SEZ6L: variants seen among roughly 807,000 people sequenced by gnomAD.
SEZ6L encodes seizure 6-like protein.
A neutral mutation model predicts 106.2 loss-of-function variants in SEZ6L; 37 were observed. The ratio of observed to expected loss-of-function variants is 0.35; its 90% confidence interval spans 0.27 to 0.46. SEZ6L has a LOEUF of 0.46. SEZ6L is among the 20% of genes least tolerant of loss of function. The pLI is 1.00. For synonymous variants in SEZ6L, 541 were observed against 570.4 expected, an observed-to-expected ratio of 0.95 and a Z score of 0.73; for missense variants, 1,172 against 1,332.8, an observed-to-expected ratio of 0.88 and a Z score of 1.88.
At chr22:26,274,910 C>T (rs1415330528) in intron 1 of SEZ6L, among the ~76,000 whole-genome samples, 1 of 152,234 alleles carries the variant, frequency 6.6e-6, no homozygotes, top group Non-Finnish European at 1.5e-5. Context: ...AGTCTCCAGC[C>T]TCTCCAGAGG....
chr22:26,281,915 C>G (rs889269258), intron 1 of SEZ6L, among the ~76,000 whole-genome samples: 1 of 152,182 alleles, frequency 6.6e-6, no homozygotes, highest in African/African-American at 2.4e-5. Context: ...TCTCCTCTTC[C>G]GTGCATAGAT....
At chr22:26,262,307 C>T (rs1010002741) in intron 1 of SEZ6L, among the ~76,000 whole-genome samples, 4 of 129,646 alleles carry the variant, frequency 3.1e-5, no homozygotes, top group Admixed American at 1.5e-4. Context: ...AAATACATGG[C>T]CCTTCTTGTG....
intron 10 of SEZ6L, among the ~76,000 whole-genome samples, chr22:26,346,555 T>G (rs988849221): frequency 1.5e-4 from 23 of 152,194 alleles, no homozygotes; most frequent in African/African-American, 5.3e-4. Context: ...CAGCATGAGT[T>G]GGATGGCTTT....
intron 1 of SEZ6L, among the ~76,000 whole-genome samples, chr22:26,275,180 C>T (rs1283189030): frequency 6.6e-6 from 1 of 152,206 alleles, no homozygotes; most frequent in African/African-American, 2.4e-5. Flanking sequence ...CCCCAACTTA[C>T]GATGGTTTGA....
chr22:26,229,878 C>T (rs1221232511), intron 1 of SEZ6L, among the ~76,000 whole-genome samples: 1 of 152,212 alleles, frequency 6.6e-6, no homozygotes, highest in African/African-American at 2.4e-5. Context: ...CCTGCTCTGC[C>T]AGGAAAGGCA....
chr22:26,245,314 A>G (rs147621444), intron 1 of SEZ6L, among the ~76,000 whole-genome samples: 106 of 152,290 alleles, frequency 7.0e-4, no homozygotes, highest in Middle Eastern at 3.4e-3. Context: ...CTTTAGAAAA[A>G]CTGGGATGCA....
intron 13 of SEZ6L, among the ~76,000 whole-genome samples, chr22:26,369,402 G>C (rs1056910896): frequency 1.5e-5 from 2 of 132,304 alleles, no homozygotes; most frequent in African/African-American, 2.9e-5. Flanking sequence ...TGCAGTGGCT[G>C]GATCTCGGCT....
chr22:26,340,515 G>A lies in SEZ6L; in HGVS notation c.2095G>A (p.Gly699Arg). Residue 699 changes from glycine to arginine, a missense_variant, in exon 10 of 17, where the codon GGG (glycine) becomes AGG (arginine). Gly to Arg is a moderately radical substitution (Grantham distance 125). Around this residue, in one of 4 missense-constraint regions of SEZ6L, gnomAD observed 534 missense variants for 691.0 expected, o/e 0.77. Coordinates refer to ENST00000248933, the MANE Select transcript of SEZ6L (RefSeq NM_021115.5). The part of the protein sequence containing the change: ...VMPHILGQYL[G>R]NSGPQKLYSS... The stretch of plus-strand genomic sequence containing the variant: ...GCCCCACATCTTGGGGCAGTACCTT[G>A]GGAACAGTGGCCCCCAGAAACTGTA... 2.5e-6 allele frequency: 4 copies of A among 1,614,098 alleles called. No homozygotes were observed. The highest frequency in any genetic ancestry group is 3.4e-6 in the Non-Finnish European group (4 of 1,180,020).
intron 14 of SEZ6L, among the ~76,000 whole-genome samples, 164 bp from the exon 15 acceptor site, chr22:26,375,411 A>G (rs1479909857): frequency 6.6e-6 from 1 of 151,668 alleles, no homozygotes; most frequent in Non-Finnish European, 1.5e-5. Flanking sequence ...AAGGACCACC[A>G]CCATTTCCTC....
intron 1 of SEZ6L, among the ~76,000 whole-genome samples, chr22:26,205,132 C>T (rs113316196): frequency 0.014 from 2,116 of 152,306 alleles, 48 homozygotes; most frequent in African/African-American, 0.047. Flanking sequence ...AAGAGAAACT[C>T]GCTTTATGTG....
At chr22:26,254,746 T>A (rs533194182) in intron 1 of SEZ6L, among the ~76,000 whole-genome samples, 32 of 152,288 alleles carry the variant, frequency 2.1e-4, no homozygotes, top group Non-Finnish European at 2.9e-4. Context: ...CAATTGAGCA[T>A]CTGTCCTACT....
intron 13 of SEZ6L, among the ~76,000 whole-genome samples, chr22:26,366,212 A>AAGTCCC (rs1234236514): frequency 8.7e-5 from 13 of 149,812 alleles, no homozygotes; most frequent in Admixed American, 2.0e-4. Context: ...TGCATGCCTG[A>AAGTCCC]AGTCCCAGCT....
At chr22:26,187,074 T>A (rs918416347) in intron 1 of SEZ6L, among the ~76,000 whole-genome samples, 2 of 152,228 alleles carry the variant, frequency 1.3e-5, no homozygotes, top group South Asian at 4.1e-4. Context: ...ATTTGTGTAT[T>A]AGTTTGTTTT....
chr22:26,266,872 A>G (rs1281842604), intron 1 of SEZ6L, among the ~76,000 whole-genome samples: 1 of 152,122 alleles, frequency 6.6e-6, no homozygotes, highest in African/African-American at 2.4e-5. Flanking sequence ...GGTGAAAGCA[A>G]TGAATGAATG....
chr22:26,327,320 CCA>C (rs1384937333), intron 9 of SEZ6L, among the ~76,000 whole-genome samples: 1 of 143,690 alleles, frequency 7.0e-6, no homozygotes, highest in East Asian at 2.0e-4. Flanking sequence ...ACTACACACA[CCA>C]CACACACCCC....
chr22:26,205,857 T>A (rs1941244871), intron 1 of SEZ6L, among the ~76,000 whole-genome samples: 2 of 152,156 alleles, frequency 1.3e-5, no homozygotes, highest in South Asian at 4.1e-4. Context: ...TAGCTAGTAG[T>A]CTGTGTAATG....
intron 11 of SEZ6L, among the ~76,000 whole-genome samples, chr22:26,348,632 G>A (rs1158711626): frequency 3.4e-5 from 1 of 29,328 alleles, no homozygotes; most frequent in African/African-American, 2.1e-4. Flanking sequence ...AAGAAAGAAA[G>A]AAAGAAAGAA....
chr22:26,304,744 A>T (rs2145910645), intron 5 of SEZ6L, among the ~76,000 whole-genome samples: 1 of 152,346 alleles, frequency 6.6e-6, no homozygotes, highest in Middle Eastern at 3.4e-3. Flanking sequence ...GGTATGGCAC[A>T]CTATTTTCTA....
At chr22:26,284,128 T>C (rs955128611) in intron 1 of SEZ6L, among the ~76,000 whole-genome samples, 9 of 152,264 alleles carry the variant, frequency 5.9e-5, no homozygotes, top group East Asian at 1.9e-4. Flanking sequence ...AACCCCACCA[T>C]ACAGATGAGA....
Sources: allele counts gnomAD v4.1 joint callset (sites outside exome capture counted in the v4.1 genomes callset), GRCh38; gene constraint gnomAD v4.1.1; regional missense constraint gnomAD v4.1.1; transcripts MANE v1.5; gene names NCBI Gene and HGNC (gene_info 2026-07-23, HGNC 2026-07-21).